The following CFAP70 variants were observed in gnomAD, a reference collection of about 807,000 sequenced individuals.
CFAP70 encodes the protein cilia and flagella associated protein 70, also known as cilia- and flagella-associated protein 70.
Under a neutral mutation model 137.6 loss-of-function variants are expected in CFAP70, and 81 were observed. The observed-to-expected ratio is 0.59, with a 90% CI of 0.49 to 0.71. The LOEUF (loss-of-function observed/expected upper bound fraction) is 0.71. CFAP70 is among the 30% of genes least tolerant of loss of function. The pLI is 0.00. For missense variants in CFAP70, 976 were observed against 1,226.7 expected, an observed-to-expected ratio of 0.80 and a Z score of 3.05; for synonymous variants, 382 against 423.6, an observed-to-expected ratio of 0.90 and a Z score of 1.20.
intron 12 of CFAP70, among the ~76,000 whole-genome samples, chr10:73,305,032 A>G (rs902616233): frequency 2.0e-5 from 3 of 152,232 alleles, no homozygotes; most frequent in Non-Finnish European, 4.4e-5. Context: ...TCCCCAGCTC[A>G]GCAGCAGTCT....
intron 11 of CFAP70, 116 bp downstream of exon 12, chr10:73,311,717 TG>T: frequency 1.2e-6 from 1 of 867,586 alleles, no homozygotes; most frequent in Non-Finnish European, 1.9e-6. Context: ...CAACTAGTCA[TG>T]GGCAAATATG....
intron 8 of CFAP70, among the ~76,000 whole-genome samples, chr10:73,326,430 G>C (rs1335974621): frequency 6.8e-6 from 1 of 146,628 alleles, no homozygotes; most frequent in East Asian, 2.0e-4. Context: ...AAAAGAACTA[G>C]AAAAGCAAGA....
chr10:73,345,007 G>A (rs1298885209), intron 5 of CFAP70, 58 bp downstream of exon 6: 2 of 1,394,818 alleles, frequency 1.4e-6, no homozygotes, highest in African/African-American at 2.8e-5. Context: ...AGGAAGAGAT[G>A]GCCATATGAG....
chr10:73,321,158 T>C (rs1052836420), intron 9 of CFAP70, among the ~76,000 whole-genome samples: 23 of 152,170 alleles, frequency 1.5e-4, no homozygotes, highest in Non-Finnish European at 1.8e-4. Context: ...GGCTCATGCC[T>C]GTAATCCCAG....
Position 73,293,394 on chromosome 10 carries a change from C to T in CFAP70, c.1645-6G>A. The T allele has an allele frequency of 6.3e-7, 1 of 1,583,292 alleles. No individual in the cohort carries two copies. The highest frequency in any genetic ancestry group is 1.4e-5 in the African/African-American group (1 of 73,902). ...TGGACATCATCTGGCATGGTCTTGT[C>T]AATGTCAAGATGTTAGGTAGACAAA... On this transcript the variant is annotated splice_polypyrimidine_tract_variant and splice_region_variant and intron_variant, in intron 15 of 26. Coordinates refer to ENST00000310715, the Ensembl canonical transcript of CFAP70.
intron 6 of CFAP70, among the ~76,000 whole-genome samples, chr10:73,336,768 TTAG>T (rs1200728373): frequency 6.6e-6 from 1 of 151,726 alleles, no homozygotes; most frequent in Non-Finnish European, 1.5e-5. Flanking sequence ...TGTATTTTTT[TTAG>T]TAGAGACAGG....
At chr10:73,343,178 C>A (rs1372198449) in intron 5 of CFAP70, among the ~76,000 whole-genome samples, 2 of 149,166 alleles carry the variant, frequency 1.3e-5, no homozygotes, top group Non-Finnish European at 3.0e-5. Flanking sequence ...CCACTGCACT[C>A]CAGCCTGGGT....
chr10:73,297,102 C>A (rs138288563), exon 15 of CFAP70: 15 of 1,613,918 alleles, frequency 9.3e-6, no homozygotes, highest in Non-Finnish European at 1.3e-5. Context: ...TGATAAATGT[C>A]TGAAGTTCCT....
At chr10:73,269,757 C>T in intron 24 of CFAP70, 42 bp from the exon 26 acceptor site, 1 of 1,223,188 alleles carries the variant, frequency 8.2e-7, no homozygotes, top group Non-Finnish European at 1.2e-6. Flanking sequence ...TTAGCTGAAA[C>T]CACTATGTCC....
chr10:73,284,786 ATAT>A (rs2047546975), intron 19 of CFAP70, among the ~76,000 whole-genome samples: 1 of 64,216 alleles, frequency 1.6e-5, no homozygotes, highest in Non-Finnish European at 2.9e-5. Context: ...ATATATATAT[ATAT>A]ATATATATAT....
chr10:73,291,461 GTTGAAA>G lies in CFAP70; in HGVS notation c.2021-23_2021-18del, dbSNP rs1474747621. On this transcript the variant is annotated intron_variant, in intron 18 of 26. Transcript: ENST00000310715. ...AGTACAAACCTGGGGAAAGAAAAATGTTGAAATACATATGACTATTTTCCCACTATC... is the reference window on the plus strand; with the variant it reads ...AGTACAAACCTGGGGAAAGAAAAATGTACATATGACTATTTTCCCACTATC... 1.2e-6 allele frequency: 2 copies of G among 1,605,734 alleles called. No individual in the cohort carries two copies. Among genetic ancestry groups the G allele is most frequent in the Non-Finnish European group, 1.7e-6 (2 of 1,172,664 alleles).
intron 1 of CFAP70, among the ~76,000 whole-genome samples, chr10:73,358,029 T>G (rs1469992129): frequency 6.6e-6 from 1 of 152,258 alleles, no homozygotes; most frequent in Non-Finnish European, 1.5e-5. Flanking sequence ...AAGCCTCAGT[T>G]TCACCTTCTG....
chr10:73,253,963 G>A, exon 27 of CFAP70: 1 of 1,599,578 alleles, frequency 6.3e-7, no homozygotes, highest in Non-Finnish European at 8.6e-7. Context: ...AAATTGTTCA[G>A]CTGGAGGGGT....
At chr10:73,356,171 GT>G (rs1473778218) in intron 1 of CFAP70, among the ~76,000 whole-genome samples, 3 of 149,878 alleles carry the variant, frequency 2.0e-5, no homozygotes, top group African/African-American at 7.4e-5. Context: ...TTGGATATTT[GT>G]TTTTTGGAAA....
intron 2 of CFAP70, among the ~76,000 whole-genome samples, chr10:73,354,021 G>A (rs200254359): frequency 7.6e-6 from 1 of 131,844 alleles, no homozygotes; most frequent in East Asian, 3.9e-4. Flanking sequence ...TTTTTTTTCT[G>A]TTTGTTTGTT....
chr10:73,265,848 C>A (rs2045701732), intron 25 of CFAP70, among the ~76,000 whole-genome samples: 1 of 150,922 alleles, frequency 6.6e-6, no homozygotes. Context: ...GCCACTCTTA[C>A]TCTTTCTTTC....
intron 4 of CFAP70, 94 bp downstream of exon 5, chr10:73,348,062 A>G (rs2053870833): frequency 1.8e-6 from 2 of 1,096,408 alleles, no homozygotes; most frequent in African/African-American, 1.6e-5. Context: ...AAAATGCCCA[A>G]TGCATTACAC....
chr10:73,323,164 C>G (rs1162799254), intron 8 of CFAP70, 67 bp from the exon 10 acceptor site: 1 of 1,421,622 alleles, frequency 7.0e-7, no homozygotes, highest in African/African-American at 1.4e-5. Flanking sequence ...GGAGCTCTGA[C>G]TCAGCAGTTC....
chr10:73,278,074 T>A, intron 20 of CFAP70, 105 bp downstream of exon 21: 5 of 1,165,286 alleles, frequency 4.3e-6, no homozygotes, highest in Non-Finnish European at 3.7e-6. Flanking sequence ...AGAGCCTGGT[T>A]ATCAACTTCA....
Sources: allele counts gnomAD v4.1 joint callset (sites outside exome capture counted in the v4.1 genomes callset), GRCh38; gene constraint gnomAD v4.1.1; transcripts MANE v1.5; gene names NCBI Gene and HGNC (gene_info 2026-07-23, HGNC 2026-07-21).